Variants in DPP6 observed in about 807,000 individuals in gnomAD.
The protein encoded by DPP6 is dipeptidyl peptidase like 6, also known as A-type potassium channel modulatory protein DPP6.
A neutral mutation model predicts 122.6 loss-of-function variants in DPP6; 69 were observed. That is an observed-to-expected ratio of 0.56 (90% CI 0.46 to 0.69). DPP6 has a LOEUF of 0.69. DPP6 is among the 30% of genes least tolerant of loss of function. DPP6 has a pLI of 0.00. For synonymous variants in DPP6, 418 were observed against 433.1 expected, an observed-to-expected ratio of 0.97 and a Z score of 0.43; for missense variants, 928 against 1,116.9, an observed-to-expected ratio of 0.83 and a Z score of 2.41.
chr7:154,830,331 G>A (rs750865349), intron 16 of DPP6, among the ~76,000 whole-genome samples: 23 of 152,306 alleles, frequency 1.5e-4, no homozygotes, highest in African/African-American at 4.3e-4. Context: ...AGGCAGAGCC[G>A]GGGCCAGGCC....
chr7:153,917,541 T>G (rs1045674733), intron 1 of DPP6, among the ~76,000 whole-genome samples: 23 of 152,296 alleles, frequency 1.5e-4, no homozygotes, highest in African/African-American at 9.6e-5. Flanking sequence ...GCGTGGAGAC[T>G]CTCAGGAAGT....
At chr7:154,829,839 G>T (rs1304152482) in intron 16 of DPP6, among the ~76,000 whole-genome samples, 3 of 152,072 alleles carry the variant, frequency 2.0e-5, no homozygotes, top group Non-Finnish European at 2.9e-5. Flanking sequence ...CACCATCTCT[G>T]CTCCTCATGT....
intron 1 of DPP6, among the ~76,000 whole-genome samples, chr7:153,993,234 T>C (rs1261263148): frequency 6.6e-6 from 1 of 152,130 alleles, no homozygotes; most frequent in Non-Finnish European, 1.5e-5. Flanking sequence ...GTTTCAAGAG[T>C]GCTGATGCAA....
intron 5 of DPP6, among the ~76,000 whole-genome samples, chr7:154,634,512 A>G (rs1325506057): frequency 6.6e-6 from 1 of 151,816 alleles, no homozygotes; most frequent in Non-Finnish European, 1.5e-5. Context: ...AGGCGATTCC[A>G]TTTTCCAGAT....
At chr7:154,464,378 T>C (rs570697678) in intron 2 of DPP6, among the ~76,000 whole-genome samples, 3 of 152,346 alleles carry the variant, frequency 2.0e-5, no homozygotes, top group African/African-American at 7.2e-5. Context: ...TCAGTGCTAC[T>C]TCAGTGATAT....
intron 1 of DPP6, among the ~76,000 whole-genome samples, chr7:154,287,575 A>G (rs559473042): frequency 1.2e-4 from 19 of 152,176 alleles, no homozygotes; most frequent in Non-Finnish European, 2.8e-4. Context: ...AAAACAGATC[A>G]ACAGGGGAGC....
At chr7:154,884,449 T>TCACATGCTCA (rs1554496151) in intron 21 of DPP6, 1 of 145,898 alleles carries the variant, frequency 6.9e-6, no homozygotes, top group African/African-American at 2.6e-5. Flanking sequence ...ATACACATGC[T>TCACATGCTCA]CACATACACA....
intron 1 of DPP6, among the ~76,000 whole-genome samples, chr7:154,368,481 G>A (rs543694398): frequency 2.6e-5 from 4 of 152,296 alleles, no homozygotes; most frequent in South Asian, 2.1e-4. Context: ...CTCTGGCAGC[G>A]CTTGCGGCTG....
At chr7:154,803,012 G>T (rs1460088574) in intron 13 of DPP6, among the ~76,000 whole-genome samples, 1 of 151,924 alleles carries the variant, frequency 6.6e-6, no homozygotes, top group Non-Finnish European at 1.5e-5. Flanking sequence ...GGAACCCCTC[G>T]GGGGGCCCCC....
At chr7:154,289,614 A>C (rs1805074263) in intron 1 of DPP6, among the ~76,000 whole-genome samples, 2 of 152,202 alleles carry the variant, frequency 1.3e-5, no homozygotes, top group South Asian at 4.1e-4. Context: ...GTGGGACAAA[A>C]TGTGATCCTG....
intron 1 of DPP6, among the ~76,000 whole-genome samples, chr7:154,227,382 TGGTTGCCAGGG>T (rs113061550): frequency 0.086 from 13,002 of 152,026 alleles, 712 homozygotes; most frequent in African/African-American, 0.15. Context: ...AGCGGAATGG[TGGTTGCCAGGG>T]GGTTGGGAGA....
intron 1 of DPP6, chr7:154,058,226 ACCC>A (rs1489533589): frequency 7.1e-6 from 1 of 140,090 alleles, no homozygotes; most frequent in African/African-American, 2.7e-5. Flanking sequence ...GGCTCTTTGC[ACCC>A]CCATCGCAGG....
intron 6 of DPP6, among the ~76,000 whole-genome samples, chr7:154,647,973 G>A (rs77910079): frequency 0.12 from 18,054 of 151,954 alleles, 1,406 homozygotes; most frequent in Non-Finnish European, 0.17. Flanking sequence ...GAGCCTGGCC[G>A]GGCACAGTGG....
intron 1 of DPP6, among the ~76,000 whole-genome samples, chr7:154,258,082 A>G (rs1802766915): frequency 1.3e-5 from 2 of 149,976 alleles, no homozygotes; most frequent in Non-Finnish European, 3.0e-5. Context: ...GTGGGGCAAC[A>G]CGTGGAACTT....
intron 2 of DPP6, among the ~76,000 whole-genome samples, chr7:154,463,089 C>T (rs2151321120): frequency 6.6e-6 from 1 of 151,782 alleles, no homozygotes; most frequent in East Asian, 1.9e-4. Context: ...AGAACCAAGG[C>T]CTAGAATTGG....
intron 1 of DPP6, among the ~76,000 whole-genome samples, chr7:154,181,836 G>T (rs1266826508): frequency 6.8e-6 from 1 of 146,932 alleles, no homozygotes; most frequent in Non-Finnish European, 1.5e-5. Context: ...TGAAACCTCC[G>T]CCTCCCTGTT....
At chr7:154,587,564 C>T in intron 5 of DPP6, 1 of 1,431,092 alleles carries the variant, frequency 7.0e-7, no homozygotes, top group Non-Finnish European at 9.3e-7. Context: ...CGATCCCCAA[C>T]TTCCCATGCC....
intron 13 of DPP6, among the ~76,000 whole-genome samples, chr7:154,803,423 C>G (rs1044380744): frequency 1.3e-5 from 2 of 152,194 alleles, no homozygotes. Context: ...CGCCCTTTCT[C>G]CCTCCGTTTA....
intron 1 of DPP6, among the ~76,000 whole-genome samples, chr7:154,333,433 C>T (rs1233892285): frequency 6.6e-6 from 1 of 152,158 alleles, no homozygotes; most frequent in Non-Finnish European, 1.5e-5. Flanking sequence ...TAATTCTGTA[C>T]TTAAATCGTG....
Sources: allele counts gnomAD v4.1 joint callset (sites outside exome capture counted in the v4.1 genomes callset), GRCh38; gene constraint gnomAD v4.1.1; transcripts MANE v1.5; gene names NCBI Gene and HGNC (gene_info 2026-07-23, HGNC 2026-07-21).